The following TTC1 variants were observed in gnomAD, a reference collection of about 807,000 sequenced individuals.
The protein encoded by TTC1 is tetratricopeptide repeat protein 1.
A neutral mutation model predicts 37.6 loss-of-function variants in TTC1; 31 were observed. That is an observed-to-expected ratio of 0.82 (90% CI 0.62 to 1.11). The LOEUF is 1.11. Among genes scored for constraint, TTC1 ranks in the 50% most tolerant of loss-of-function variants. TTC1 has a pLI of 0.00. For synonymous variants in TTC1, 127 were observed against 122.4 expected, an observed-to-expected ratio of 1.04 and a Z score of -0.25; for missense variants, 351 against 339.0, an observed-to-expected ratio of 1.04 and a Z score of -0.28.
chr5:160,022,454 G>A (rs1424818609), intron 2 of TTC1, among the ~76,000 whole-genome samples: 1 of 152,120 alleles, frequency 6.6e-6, no homozygotes, highest in African/African-American at 2.4e-5. Flanking sequence ...TTATATTCAA[G>A]CTACTTCTAA....
At chr5:160,033,333 G>A (rs1169320873) in intron 2 of TTC1, among the ~76,000 whole-genome samples, 2 of 151,964 alleles carry the variant, frequency 1.3e-5, no homozygotes, top group Non-Finnish European at 2.9e-5. Flanking sequence ...CTGGCACATA[G>A]TATGTACCAT....
rs549920056 is a variant in TTC1 at position 160,019,589 on chromosome 5, T to C, written c.330+8731T>C. ...TCCCTTTTCTTTCATTCTTTTTTTTTTTTTTTTTTTTTTTGAGATGGATAT... is the reference window on the plus strand; with the variant it reads ...TCCCTTTTCTTTCATTCTTTTTTTTCTTTTTTTTTTTTTTGAGATGGATAT... On this transcript the variant is annotated intron_variant, in intron 2 of 7. Transcript: ENST00000231238. Among the ~76,000 whole-genome samples, 319 of 135,372 alleles carry C rather than the reference T, an allele frequency of 2.4e-3. 2 individuals carry two copies. The highest frequency in any genetic ancestry group is 8.0e-3 in the African/African-American group (297 of 37,254). The allele number at this position is 135,372 out of a possible 152,430, so 88.8% of individuals were successfully genotyped here. A position where few individuals can be genotyped will look rare whatever the true frequency, so the allele number is the denominator to read the frequency against.
intron 2 of TTC1, among the ~76,000 whole-genome samples, chr5:160,027,691 A>C (rs565668734): frequency 6.6e-6 from 1 of 152,276 alleles, no homozygotes; most frequent in Non-Finnish European, 1.5e-5. Flanking sequence ...TTCATTGTGA[A>C]AGTCTTTATT....
chr5:160,026,415 A>G (rs13189939), intron 2 of TTC1, among the ~76,000 whole-genome samples: 5,761 of 152,292 alleles, frequency 0.038, 172 homozygotes, highest in Non-Finnish European at 0.058. Flanking sequence ...GAAATCTTCA[A>G]CTAATGTTGT....
intron 2 of TTC1, 104 bp from the exon 3 acceptor site, chr5:160,035,036 C>G: frequency 1.1e-6 from 1 of 949,956 alleles, no homozygotes. Context: ...TCTCAAAAGT[C>G]AGACTGTTGC....
At chr5:160,022,830 G>T (rs1394763802) in intron 2 of TTC1, among the ~76,000 whole-genome samples, 1 of 152,042 alleles carries the variant, frequency 6.6e-6, no homozygotes, top group African/African-American at 2.4e-5. Context: ...ATTCAGAAAG[G>T]ACACTTGTAA....
At chr5:160,039,233 A>G (rs1261754755) in intron 4 of TTC1, 1 of 151,424 alleles carries the variant, frequency 6.6e-6, no homozygotes, top group East Asian at 1.9e-4. Flanking sequence ...TTTCAGCTCT[A>G]GGTCTCGCTA....
At chr5:160,020,453 G>T (rs1756684030) in intron 2 of TTC1, among the ~76,000 whole-genome samples, 1 of 152,184 alleles carries the variant, frequency 6.6e-6, no homozygotes, top group African/African-American at 2.4e-5. Context: ...AGGGTTGCTT[G>T]CTCTAAAACA....
rs1756485632 is a variant in TTC1, at chr5:160,010,676, G to T, written c.148G>T (p.Glu50Ter). ...HSQSKLLRDD[E>*]AHLQEDQGEE... Reference sequence around the variant, plus strand: ...CCAGAGTAAGCTGCTCAGGGATGATGAGGCCCATCTCCAGGAGGACCAGGG... The same window carrying T: ...CCAGAGTAAGCTGCTCAGGGATGATTAGGCCCATCTCCAGGAGGACCAGGG... Residue 50 changes from glutamate to a stop codon, truncating the protein, a stop_gained, in exon 2 of 8, where the codon GAG becomes TAG. Coordinates refer to ENST00000231238, the MANE Select transcript of TTC1 (RefSeq NM_003314.3). LOFTEE classifies it high-confidence loss of function. The T allele has an allele frequency of 6.2e-7, 1 of 1,613,670 alleles. No homozygotes were observed. Among genetic ancestry groups the T allele is most frequent in the African/African-American group, 1.3e-5 (1 of 74,904 alleles).
rs201534141 is a variant in TTC1 at position 160,065,091 on chromosome 5, T to C, written c.*26T>C. 1.7e-5 allele frequency: 28 copies of C among 1,601,928 alleles called. No homozygotes were observed. Among genetic ancestry groups the C allele is most frequent in the South Asian group, 4.5e-5 (4 of 88,430 alleles). On this transcript the variant is annotated 3_prime_UTR_variant, in exon 8 of 8. Transcript: ENST00000231238. The stretch of plus-strand genomic sequence containing the variant: ...CAAAGATAACAAAAGCTTTACAAGC[T>C]GACTTGGAATTGTGTGCTGCTTGCT...
Position 160,043,165 on chromosome 5 carries a change from C to G in TTC1, c.537C>G (p.Ser179Arg). 1.2e-6 allele frequency: 2 copies of G among 1,613,274 alleles called. No homozygotes were observed. The highest frequency in any genetic ancestry group is 1.6e-4 in the Middle Eastern group (1 of 6,062). Residue 179 changes from serine (S) to arginine (R), a missense_variant, in exon 5 of 8, where the codon AGC becomes AGG. By Grantham distance (110) the Ser-to-Arg change is moderately radical. Transcript: ENST00000231238. ...AAGAAATGGCCATCAATGACTGCAG[C>G]AAAGGTACAGCTTTATTATCTTATT... ...DKKEMAINDC[S>R]KAIQLNPSYI...
At chr5:160,043,247 A>G in intron 5 of TTC1, 78 bp downstream of exon 5, 1 of 1,511,398 alleles carries the variant, frequency 6.6e-7, no homozygotes, top group South Asian at 1.2e-5. Context: ...TCAGGTGTGC[A>G]CTTGTACATG....
chr5:160,052,874 C>A (rs1400638978), intron 7 of TTC1, among the ~76,000 whole-genome samples: 2 of 152,188 alleles, frequency 1.3e-5, no homozygotes, highest in Non-Finnish European at 2.9e-5. Flanking sequence ...TCGGTTGCTT[C>A]TAAAATGAAT....
intron 2 of TTC1, among the ~76,000 whole-genome samples, chr5:160,023,255 C>CAAA (rs113727015): frequency 5.5e-5 from 6 of 110,010 alleles, no homozygotes; most frequent in South Asian, 2.8e-4. Context: ...AACACTGTCT[C>CAAA]AAAAAAAAAA....
intron 7 of TTC1, among the ~76,000 whole-genome samples, chr5:160,063,966 C>CTT (rs34967107): frequency 0.58 from 62,045 of 106,516 alleles, 19,240 homozygotes; most frequent in East Asian, 0.62. Flanking sequence ...TAGACCATGA[C>CTT]TTTTTTTTTT....
chr5:160,027,642 T>A (rs928722858), intron 2 of TTC1, among the ~76,000 whole-genome samples: 2 of 152,260 alleles, frequency 1.3e-5, no homozygotes, highest in Non-Finnish European at 2.9e-5. Context: ...GACTTTAATA[T>A]ATTTGTGAGG....
chr5:160,011,238 T>A (rs1053614050), intron 2 of TTC1, among the ~76,000 whole-genome samples: 9 of 152,268 alleles, frequency 5.9e-5, no homozygotes, highest in African/African-American at 2.2e-4. Flanking sequence ...ATGCTACATT[T>A]ATGTTTATGA....
intron 2 of TTC1, among the ~76,000 whole-genome samples, chr5:160,022,800 A>T (rs1255061643): frequency 1.3e-5 from 2 of 152,156 alleles, no homozygotes; most frequent in Non-Finnish European, 2.9e-5. Flanking sequence ...TAATATTTAA[A>T]TCCTTGATTT....
At chr5:160,053,967 C>G (rs1356881246) in intron 7 of TTC1, among the ~76,000 whole-genome samples, 1 of 152,164 alleles carries the variant, frequency 6.6e-6, no homozygotes, top group Non-Finnish European at 1.5e-5. Context: ...CCCAGGGTGG[C>G]CATTAGTCCT....
Sources: allele counts gnomAD v4.1 joint callset (sites outside exome capture counted in the v4.1 genomes callset), GRCh38; gene constraint gnomAD v4.1.1; transcripts MANE v1.5; gene names NCBI Gene and HGNC (gene_info 2026-07-23, HGNC 2026-07-21).